The following DPF3 variants were observed in gnomAD, a reference collection of about 807,000 sequenced individuals.
DPF3 encodes the protein double PHD fingers 3, also known as zinc finger protein DPF3.
In DPF3, 18 loss-of-function variants were observed where a neutral mutation model predicts 56.8. That is an observed-to-expected ratio of 0.32 (90% CI 0.22 to 0.47). The LOEUF (loss-of-function observed/expected upper bound fraction) is 0.47, where lower values mean the gene tolerates loss of function less well. Ranked by LOEUF, DPF3 falls within the 20% of genes least tolerant of loss-of-function variation. DPF3 has a pLI of 1.00. For synonymous variants in DPF3, 188 were observed against 180.2 expected, an observed-to-expected ratio of 1.04 and a Z score of -0.35; for missense variants, 403 against 488.8, an observed-to-expected ratio of 0.82 and a Z score of 1.65.
chr14:72,688,455 A>G (rs1887529298), intron 7 of DPF3, among the ~76,000 whole-genome samples: 1 of 152,206 alleles, frequency 6.6e-6, no homozygotes, highest in Non-Finnish European at 1.5e-5. Context: ...TACCTCAAAA[A>G]CATCATCTAT....
chr14:72,780,561 A>T (rs568732372), intron 1 of DPF3, among the ~76,000 whole-genome samples: 4 of 152,286 alleles, frequency 2.6e-5, no homozygotes, highest in African/African-American at 9.6e-5. Flanking sequence ...AACTTTCTCC[A>T]TGGGAACATG....
intron 8 of DPF3, among the ~76,000 whole-genome samples, chr14:72,645,325 C>T (rs1885689420): frequency 6.7e-6 from 1 of 149,386 alleles, no homozygotes; most frequent in Non-Finnish European, 1.5e-5. Flanking sequence ...GATAGGGTTT[C>T]ACTCTGTCAC....
At chr14:72,770,987 C>T (rs1233807645) in intron 2 of DPF3, among the ~76,000 whole-genome samples, 1 of 151,818 alleles carries the variant, frequency 6.6e-6, no homozygotes, top group African/African-American at 2.4e-5. Context: ...GACAGCCTGA[C>T]CAACATGGTG....
chr14:72,722,988 G>A (rs1889243992), intron 5 of DPF3, among the ~76,000 whole-genome samples: 1 of 151,480 alleles, frequency 6.6e-6, no homozygotes, highest in Non-Finnish European at 1.5e-5. Context: ...GCAGCCCCCT[G>A]CTACCCCGGC....
intron 6 of DPF3, among the ~76,000 whole-genome samples, chr14:72,699,610 A>G (rs1241056593): frequency 6.6e-6 from 1 of 152,096 alleles, no homozygotes; most frequent in Non-Finnish European, 1.5e-5. Context: ...TTTCAAGACG[A>G]CAGTAACAAT....
rs561960238 is a variant in DPF3, at chr14:72,613,332, T to C, written c.*5965A>G. 1.3e-5 allele frequency among the ~76,000 whole-genome samples: 2 copies of C among 152,254 alleles called. No homozygotes were observed. The highest frequency in any genetic ancestry group is 2.1e-4 in the South Asian group (1 of 4,820). ...GTGCCAGCCTACAGGGCCATTTTGC[T>C]CAATGCCTGGGCTAGAGGTCATGAT... On this transcript the variant is annotated 3_prime_UTR_variant, in exon 11 of 11. Coordinates refer to ENST00000556509, the MANE Select transcript of DPF3 (RefSeq NM_001280542.3).
At chr14:72,690,944 C>T (rs1308710592) in intron 7 of DPF3, among the ~76,000 whole-genome samples, 1 of 152,314 alleles carries the variant, frequency 6.6e-6, no homozygotes, top group African/African-American at 2.4e-5. Context: ...CTCCGTGTGA[C>T]CTCTTGGTCA....
rs147648858 is a variant in DPF3 at position 72,685,119 on chromosome 14, A to G, written c.742+7957T>C. ...GCCACCCAGTCGATGGAATTTTGTT[A>G]AGACAGTGCCTATTAACATGTTCAT... On this transcript the variant is annotated intron_variant, in intron 7 of 10. Transcript: ENST00000556509. Among the ~76,000 whole-genome samples the G allele has an allele frequency of 3.6e-3, 541 of 152,350 alleles. 6 individuals are homozygous for G. The highest frequency in any genetic ancestry group is 0.012 in the African/African-American group (512 of 41,586).
intron 8 of DPF3, among the ~76,000 whole-genome samples, chr14:72,656,424 G>GGA (rs1462529387): frequency 6.6e-6 from 1 of 152,134 alleles, no homozygotes. Context: ...TGCCTTGCCA[G>GGA]GTGATGGCCA....
intron 9 of DPF3, among the ~76,000 whole-genome samples, chr14:72,620,847 G>A (rs193106088): frequency 2.6e-5 from 4 of 152,268 alleles, no homozygotes; most frequent in East Asian, 3.9e-4. Flanking sequence ...ATCTAATCAC[G>A]TTTGTTTTCT....
Position 72,612,590 on chromosome 14 carries a change from T to C in DPF3, c.*6707A>G. On this transcript the variant is annotated 3_prime_UTR_variant, in exon 11 of 11. Coordinates refer to ENST00000556509, the MANE Select transcript of DPF3 (RefSeq NM_001280542.3). ...ACGGCAGAGGGAAGGGAGGAAACAG[T>C]GCAGGGAAGGGAGAGGGCAGGAGGA... is the stretch of plus-strand genomic sequence containing the variant. The C allele has an allele frequency of 2.0e-6, 1 of 507,370 alleles. No homozygotes were observed. Among genetic ancestry groups the C allele is most frequent in the South Asian group, 1.4e-5 (1 of 69,322 alleles). 31.4% of individuals were successfully genotyped at this position (507,370 alleles called of 1,614,324 possible).
chr14:72,695,020 G>C (rs1171963031), intron 6 of DPF3, among the ~76,000 whole-genome samples: 1 of 152,114 alleles, frequency 6.6e-6, no homozygotes, highest in Non-Finnish European at 1.5e-5. Flanking sequence ...GCTGCATTCT[G>C]CTTTCTAATA....
chr14:72,756,887 AAG>A (rs1280783897), intron 2 of DPF3, among the ~76,000 whole-genome samples: 2,203 of 117,358 alleles, frequency 0.019, 10 homozygotes, highest in Non-Finnish European at 0.029. Flanking sequence ...GAAAGAAGGA[AAG>A]AAAGAAAGAA....
chr14:72,807,665 T>A (rs973963), intron 1 of DPF3, among the ~76,000 whole-genome samples: 15 of 152,214 alleles, frequency 9.9e-5, no homozygotes, highest in Non-Finnish European at 1.3e-4. Context: ...AACTCTCCAG[T>A]GAACTAATCC....
intron 1 of DPF3, among the ~76,000 whole-genome samples, chr14:72,789,484 A>G (rs554857712): frequency 8.5e-5 from 13 of 152,278 alleles, no homozygotes; most frequent in African/African-American, 2.9e-4. Flanking sequence ...TTTGTGTTGT[A>G]TCTATCCGCT....
intron 1 of DPF3, among the ~76,000 whole-genome samples, chr14:72,772,519 T>A (rs577302429): frequency 9.2e-5 from 14 of 152,168 alleles, no homozygotes; most frequent in Non-Finnish European, 1.8e-4. Context: ...AACTTTCCGA[T>A]AGAAAACAAA....
rs1318392330 is a variant in DPF3 at position 72,617,770 on chromosome 14, C to T, written c.*1527G>A. 2.6e-5 allele frequency among the ~76,000 whole-genome samples: 4 copies of T among 152,148 alleles called. No homozygotes were observed. The highest frequency in any genetic ancestry group is 2.1e-4 in the South Asian group (1 of 4,826). ...CCGGGCAGAGGTGGCCCAACTAGCC[C>T]GAGTCTCCGGGAGCGTCCTCAGGAG... On this transcript the variant is annotated 3_prime_UTR_variant, in exon 11 of 11. Transcript: ENST00000556509.
At chr14:72,658,526 A>AT (rs1341002586) in intron 8 of DPF3, among the ~76,000 whole-genome samples, 2 of 152,184 alleles carry the variant, frequency 1.3e-5, no homozygotes, top group Non-Finnish European at 2.9e-5. Context: ...AATAAACTGA[A>AT]TTTTTTAAAA....
chr14:72,786,438 T>G (rs1184781329), intron 1 of DPF3, among the ~76,000 whole-genome samples: 1 of 152,194 alleles, frequency 6.6e-6, no homozygotes, highest in African/African-American at 2.4e-5. Context: ...AGCCCAGGAC[T>G]AATTTTTGTA....
Sources: allele counts gnomAD v4.1 joint callset (sites outside exome capture counted in the v4.1 genomes callset), GRCh38; gene constraint gnomAD v4.1.1; transcripts MANE v1.5; gene names NCBI Gene and HGNC (gene_info 2026-07-23, HGNC 2026-07-21).